The following USP6 variants were observed in gnomAD, a reference collection of about 807,000 sequenced individuals.
USP6 encodes ubiquitin specific peptidase 6.
In USP6, 128 loss-of-function variants were observed where a neutral mutation model predicts 175.7. The ratio of observed to expected loss-of-function variants is 0.73; its 90% CI spans 0.63 to 0.84. The LOEUF is 0.84. Among genes scored for constraint, USP6 ranks in the 40% least tolerant of loss-of-function variants. The probability of loss-of-function intolerance (pLI) is 0.00; values close to 1 mark genes in which losing one functional copy is unlikely to be tolerated. For synonymous variants in USP6, 562 were observed against 630.6 expected (o/e 0.89, Z 1.63); for missense variants, 1,498 against 1,760.3 (o/e 0.85, Z 2.67).
At chr17:5,122,605 TC>T (rs1304502993) in intron 4 of USP6, among the ~76,000 whole-genome samples, 2 of 149,446 alleles carry the variant, frequency 1.3e-5, no homozygotes, top group African/African-American at 5.0e-5. Context: ...GCCCCGACCC[TC>T]CGCTGCGGGG....
chr17:5,143,088 G>T (rs1264778055), intron 25 of USP6, among the ~76,000 whole-genome samples: 2 of 152,056 alleles, frequency 1.3e-5, no homozygotes, highest in Admixed American at 6.5e-5. Flanking sequence ...AGGTCGGGGG[G>T]TCAGCCCCCC....
Position 5,138,195 on chromosome 17 carries a change from A to G in USP6, c.1000A>G (p.Asn334Asp). The change falls in exon 21 of 38, where the codon AAC (asparagine) becomes GAC (aspartate). Residue 334 changes from asparagine (N) to aspartate (D), a missense_variant. This residue lies in a region of USP6 where 1,217 missense variants were observed against 1,500.8 expected (regional missense o/e 0.81). Transcript: ENST00000574788. ...RNQFFDTWAMNDDTVLKHLRA... is the reference protein window; with the variant it reads ...RNQFFDTWAMDDDTVLKHLRA... ...CCAATTCTTCGATACCTGGGCCATG[A>G]ACGATGACACCGTGCTCAAGCATCT... 6.2e-7 allele frequency: 1 copy of G among 1,614,084 alleles called. No individual in the cohort carries two copies. Among genetic ancestry groups the G allele is most frequent in the Non-Finnish European group, 8.5e-7 (1 of 1,179,996 alleles).
chr17:5,118,367 A>C (rs1379961549), intron 2 of USP6, 77 bp downstream of exon 2: 2 of 152,432 alleles, frequency 1.3e-5, no homozygotes, highest in Admixed American at 1.3e-4. Flanking sequence ...GCCTGTGACC[A>C]GACCAGGCAT....
rs2074129303 is a variant in USP6 at position 5,167,954 on chromosome 17, T to C, written c.3059T>C (p.Val1020Ala). The change falls in exon 34 of 38, where the codon GTG (valine) becomes GCG (alanine). Residue 1020 changes from valine (V) to alanine (A), a missense_variant. Physicochemically the swap from Val to Ala is moderately conservative, Grantham distance 64. Transcript: ENST00000574788. ...CAGGTTGTAGATAAGCATGAGAGTG[T>C]GGAGCAGAGTCGGCGAGCGCAAGCC... Reference protein sequence around the residue: ...QERVVDKHESVEQSRRAQAEP... With the variant: ...QERVVDKHESAEQSRRAQAEP... 1 of 1,611,822 alleles carries C rather than the reference T, an allele frequency of 6.2e-7. No homozygotes were observed. Among genetic ancestry groups the C allele is most frequent in the Non-Finnish European group, 8.5e-7 (1 of 1,179,732 alleles).
chr17:5,138,963 T>C, intron 21 of USP6: 1 of 1,445,186 alleles, frequency 6.9e-7, no homozygotes, highest in South Asian at 1.2e-5. Context: ...TGGGGGGCCA[T>C]ATCCCAGGCC....
At chr17:5,168,701 T>C in intron 34 of USP6, 66 bp from the exon 35 acceptor site, 2 of 1,495,864 alleles carry the variant, frequency 1.3e-6, no homozygotes, top group Non-Finnish European at 1.8e-6. Context: ...TTGACTTGTT[T>C]TTTCCATGTA....
Position 5,171,607 on chromosome 17 carries a change from TG to T in USP6, c.3980del (p.Gly1327AlafsTer45). 2.5e-6 allele frequency: 4 copies of T among 1,613,722 alleles called. No individual in the cohort carries two copies. Among genetic ancestry groups the T allele is most frequent in the Non-Finnish European group, 3.4e-6 (4 of 1,179,786 alleles). ...TACAGTGCCATTCAGGAATTCTGAGTGGGGGCCATTACATCACTTATGCCAA... is the reference window on the plus strand; with the variant it reads ...TACAGTGCCATTCAGGAATTCTGAGTGGGGCCATTACATCACTTATGCCAA... ...AISCHSGILS[G>X]GHYITYAKNP... is the part of the protein sequence containing the mutation. On this transcript the variant is annotated frameshift_variant, in exon 37 of 38. Coordinates refer to ENST00000574788, the MANE Select transcript of USP6 (RefSeq NM_001304284.2). LOFTEE classifies it high-confidence loss of function.
chr17:5,139,760 G>A, intron 22 of USP6, 86 bp downstream of exon 22: 3 of 1,596,400 alleles, frequency 1.9e-6, no homozygotes, highest in Middle Eastern at 2.2e-4. Context: ...TTCCGACCGG[G>A]ATACCTCCTT....
At chr17:5,123,575 G>A (rs929329776) in intron 4 of USP6, among the ~76,000 whole-genome samples, 1 of 152,046 alleles carries the variant, frequency 6.6e-6, no homozygotes, top group Admixed American at 6.5e-5. Context: ...CACTCACACC[G>A]GGGGGGCACG....
chr17:5,117,187 A>C (rs1419387552), intron 1 of USP6, among the ~76,000 whole-genome samples: 1 of 152,156 alleles, frequency 6.6e-6, no homozygotes, highest in African/African-American at 2.4e-5. Context: ...ATTTATGCTC[A>C]CCCTGCTTTG....
intron 37 of USP6, among the ~76,000 whole-genome samples, chr17:5,172,414 C>T (rs1454732256): frequency 1.3e-5 from 2 of 151,922 alleles, no homozygotes; most frequent in African/African-American, 2.4e-5. Flanking sequence ...GCCTGTAGTC[C>T]CAGCTGCTCG....
intron 26 of USP6, 114 bp from the exon 27 acceptor site, chr17:5,145,291 A>C (rs2143992273): frequency 7.9e-7 from 1 of 1,265,156 alleles, no homozygotes; most frequent in Admixed American, 3.3e-5. Context: ...ATGAAGAGTA[A>C]GGATTATATT....
Position 5,133,535 on chromosome 17 carries a change from C to G in USP6, c.369C>G (p.Asn123Lys). 6.2e-7 allele frequency: 1 copy of G among 1,610,958 alleles called. No homozygotes were observed. ...LLNIQEIKLKNPGRYQIMKER... is the reference protein window; with the variant it reads ...LLNIQEIKLKKPGRYQIMKER... ...ACATTCAGGAAATCAAGTTGAAAAA[C>G]CCCGGAAGATACCAGGTATGCTCAG... The change falls in exon 14 of 38, where the codon AAC (asparagine) becomes AAG (lysine). Residue 123 changes from asparagine (N) to lysine (K), a missense_variant. Around this residue, in one of 2 missense-constraint regions of USP6, gnomAD observed 281 missense variants for 259.6 expected, o/e 1.08. Coordinates refer to ENST00000574788, the MANE Select transcript of USP6 (RefSeq NM_001304284.2).
intron 15 of USP6, chr17:5,134,261 T>C (rs1311307433): frequency 1.3e-5 from 6 of 461,690 alleles, no homozygotes; most frequent in Middle Eastern, 6.2e-4. Flanking sequence ...TGGTGAAAGG[T>C]GCTCTCCCTG....
chr17:5,161,431 A>T, intron 31 of USP6, 97 bp from the exon 32 acceptor site: 1 of 1,281,146 alleles, frequency 7.8e-7, no homozygotes, highest in Non-Finnish European at 1.1e-6. Flanking sequence ...GCTGTGGCAA[A>T]TGCCCCTTCC....
Position 5,130,701 on chromosome 17 carries a change from G to T in USP6, c.155+17G>T, listed in dbSNP as rs773947203. On this transcript the variant is annotated intron_variant, in intron 11 of 37. Transcript: ENST00000574788. ...CATTTTGCAGTGAGTCATCCTCTAT[G>T]CTCCCCTCACCCCTAAAGCAGCTGT... is the stretch of plus-strand genomic sequence containing the variant. 10 of 1,613,568 alleles carry T rather than the reference G, an allele frequency of 6.2e-6. No individual in the cohort carries two copies.
chr17:5,120,230 G>T (rs950256330), intron 2 of USP6, among the ~76,000 whole-genome samples: 6 of 152,138 alleles, frequency 3.9e-5, no homozygotes, highest in Non-Finnish European at 8.8e-5. Flanking sequence ...TGACACCAAC[G>T]TAGGGTTGCT....
chr17:5,136,583 A>G, intron 17 of USP6, 57 bp from the exon 18 acceptor site: 2 of 1,593,992 alleles, frequency 1.3e-6, no homozygotes, highest in South Asian at 2.2e-5. Context: ...CTTTCAGCTG[A>G]TGGCTCCACA....
At position 5,132,473 on chromosome 17, in the gene USP6, G is replaced by A. The variant is rs751366264; in HGVS notation, c.195+38G>A. 27 of 1,611,948 alleles carry A rather than the reference G, an allele frequency of 1.7e-5. No individual in the cohort carries two copies. Among genetic ancestry groups the A allele is most frequent in the Middle Eastern group, 2.2e-4 (1 of 4,484 alleles). ...TGCGTGGAGGGGCTGGTCCAGGGACGTAGGGACTGGGCGGGTGGTCAGTGA... is the reference window on the plus strand; with the variant it reads ...TGCGTGGAGGGGCTGGTCCAGGGACATAGGGACTGGGCGGGTGGTCAGTGA... On this transcript the variant is annotated intron_variant, in intron 12 of 37. Coordinates refer to ENST00000574788, the MANE Select transcript of USP6 (RefSeq NM_001304284.2). The surrounding 1 kb of genome is among the most constrained non-coding windows in gnomAD (Gnocchi z 4.7).
Sources: gnomAD v4.1 joint callset for allele counts (sites outside exome capture counted in the v4.1 genomes callset) on GRCh38, gnomAD v4.1.1 for gene constraint, gnomAD v4.1.1 regional missense constraint, Gnocchi (gnomAD v3.1) non-coding constraint, MANE v1.5 for transcripts, NCBI Gene and HGNC (gene_info 2026-07-23, HGNC 2026-07-21) for gene names.